PHACTR1: variants seen among roughly 807,000 people sequenced by gnomAD.
PHACTR1 encodes RPEL repeat containing 1.
A neutral mutation model predicts 69.2 loss-of-function variants in PHACTR1; 16 were observed. That is an observed-to-expected ratio of 0.23 (90% confidence interval 0.16 to 0.35). PHACTR1 has a LOEUF of 0.35. Ranked by LOEUF, PHACTR1 falls within the 10% of genes least tolerant of loss-of-function variation. The probability of loss-of-function intolerance (pLI) is 1.00; values close to 1 mark genes in which losing one functional copy is unlikely to be tolerated. For synonymous variants in PHACTR1, 312 were observed against 284.5 expected, an observed-to-expected ratio of 1.10 and a Z score of -0.97; for missense variants, 510 against 734.7, an observed-to-expected ratio of 0.69 and a Z score of 3.54.
intron 4 of PHACTR1, among the ~76,000 whole-genome samples, chr6:13,041,335 TACATAC>T (rs1804100386): frequency 2.6e-5 from 1 of 38,662 alleles, no homozygotes; most frequent in African/African-American, 8.8e-5. Context: ...GTAATTAAAA[TACATAC>T]ACACACACAC....
intron 4 of PHACTR1, among the ~76,000 whole-genome samples, chr6:12,973,307 G>A (rs1355229625): frequency 2.0e-5 from 3 of 151,976 alleles, no homozygotes; most frequent in Non-Finnish European, 2.9e-5. Flanking sequence ...TTATTTATTT[G>A]CCTCCAATTT....
intron 4 of PHACTR1, among the ~76,000 whole-genome samples, chr6:12,853,706 C>A (rs1419340926): frequency 2.6e-5 from 4 of 152,182 alleles, no homozygotes; most frequent in African/African-American, 9.7e-5. Context: ...AAGGGGGAAG[C>A]CCCTTATAAA....
In PHACTR1 at chr6:13,053,326, TTC is replaced by T; in HGVS notation, c.251-33_251-32del. On this transcript the variant is annotated intron_variant, in intron 4 of 14. Transcript: ENST00000332995. Reference sequence around the variant, plus strand: ...TGAGGCTCCCATTTTAACACTTTTTTTCTCTCTTTGTTTTCATCTCTTTCTTG... The same window carrying T: ...TGAGGCTCCCATTTTAACACTTTTTTTCTCTTTGTTTTCATCTCTTTCTTG... The T allele has an allele frequency of 3.2e-6, 5 of 1,549,706 alleles. 1 individual carries two copies. In the South Asian group the frequency reaches 6.0e-5, roughly 19 times the overall value.
intron 4 of PHACTR1, among the ~76,000 whole-genome samples, chr6:13,013,181 G>A (rs1799637689): frequency 6.6e-6 from 1 of 152,218 alleles, no homozygotes; most frequent in African/African-American, 2.4e-5. Flanking sequence ...CAAATTAGCT[G>A]ACAATCCCAA....
At chr6:12,772,372 A>G (rs978939058) in intron 4 of PHACTR1, among the ~76,000 whole-genome samples, 2 of 152,228 alleles carry the variant, frequency 1.3e-5, no homozygotes, top group Non-Finnish European at 2.9e-5. Flanking sequence ...ATATGTTTAT[A>G]CATATGTTAC....
chr6:12,827,846 C>G lies in PHACTR1; in HGVS notation c.250+78056C>G, dbSNP rs567008895. On this transcript the variant is annotated intron_variant, in intron 4 of 14. Coordinates refer to ENST00000332995, the MANE Select transcript of PHACTR1 (RefSeq NM_030948.6). Reference sequence around the variant, plus strand: ...ACATTACATGATAATATGAAAATAACAAGAAGAGCTTTCTTTTCTGTCTTA... The same window carrying G: ...ACATTACATGATAATATGAAAATAAGAAGAAGAGCTTTCTTTTCTGTCTTA... Among the ~76,000 whole-genome samples the G allele has an allele frequency of 2.0e-5, 3 of 152,036 alleles. No individual in the cohort carries two copies. The South Asian group carries it at 6.2e-4, about 32-fold the overall frequency.
In PHACTR1 at chr6:13,218,363, C is replaced by G. The variant is rs144841349; in HGVS notation, c.987-9453C>G. On this transcript the variant is annotated intron_variant, in intron 8 of 14. Coordinates refer to ENST00000332995, the MANE Select transcript of PHACTR1 (RefSeq NM_030948.6). ...GGAGATAAAGTGATGATTACAAAGC[C>G]CCCTTGAAAAGGGAGTGCCTCTTAT... Among the ~76,000 whole-genome samples, 498 of 152,242 alleles carry G rather than the reference C, an allele frequency of 3.3e-3. 5 individuals are homozygous for G. Among genetic ancestry groups the G allele is most frequent in the African/African-American group, 0.011 (470 of 41,536 alleles).
intron 4 of PHACTR1, among the ~76,000 whole-genome samples, chr6:12,943,659 TAAA>T (rs1790285746): frequency 6.6e-6 from 1 of 152,232 alleles, no homozygotes; most frequent in African/African-American, 2.4e-5. Flanking sequence ...ATGATGAAAT[TAAA>T]ATGCACGTGT....
At chr6:12,947,725 C>T (rs575828183) in intron 4 of PHACTR1, among the ~76,000 whole-genome samples, 1 of 152,202 alleles carries the variant, frequency 6.6e-6, no homozygotes, top group East Asian at 1.9e-4. Flanking sequence ...CTCACAATCA[C>T]CCTAAGGAAA....
intron 7 of PHACTR1, among the ~76,000 whole-genome samples, chr6:13,193,194 T>A (rs199878868): frequency 1.3e-5 from 2 of 151,256 alleles, no homozygotes; most frequent in Non-Finnish European, 1.5e-5. Flanking sequence ...ATGCAAAAAA[T>A]ACGAGTGTGA....
chr6:12,906,812 T>G (rs1380752386), intron 4 of PHACTR1, among the ~76,000 whole-genome samples: 2 of 152,220 alleles, frequency 1.3e-5, no homozygotes, highest in Non-Finnish European at 2.9e-5. Flanking sequence ...TTGGCTCTGG[T>G]TGGGTCACGT....
Position 13,259,711 on chromosome 6 carries a change from C to T in PHACTR1, c.1392-13149C>T, listed in dbSNP as rs573006081. Among the ~76,000 whole-genome samples, 5 of 152,302 alleles carry T rather than the reference C, an allele frequency of 3.3e-5. 1 individual carries two copies. The South Asian group carries it at 6.2e-4, about 19-fold the overall frequency. Reference sequence around the variant, plus strand: ...TGGAGGGGTAAGGAGATGTCATGTGCTCAAGGGACCTTCTGATGAGTGGTG... The same window carrying T: ...TGGAGGGGTAAGGAGATGTCATGTGTTCAAGGGACCTTCTGATGAGTGGTG... On this transcript the variant is annotated intron_variant, in intron 10 of 14. Transcript: ENST00000332995.
At chr6:12,974,371 G>A (rs556389710) in intron 4 of PHACTR1, among the ~76,000 whole-genome samples, 1 of 152,176 alleles carries the variant, frequency 6.6e-6, no homozygotes, top group South Asian at 2.1e-4. Flanking sequence ...CTTACACTCA[G>A]CATATCACCA....
At chr6:12,801,532 T>C (rs1325274243) in intron 4 of PHACTR1, among the ~76,000 whole-genome samples, 1 of 152,216 alleles carries the variant, frequency 6.6e-6, no homozygotes, top group South Asian at 2.1e-4. Context: ...TTCTCACTGC[T>C]TGGCTGATAG....
At chr6:13,232,028 A>T (rs780412859) in intron 10 of PHACTR1, among the ~76,000 whole-genome samples, 5 of 152,218 alleles carry the variant, frequency 3.3e-5, no homozygotes, top group African/African-American at 4.8e-5. Context: ...CTTAATTCTG[A>T]TTCTCCCTCT....
intron 3 of PHACTR1, among the ~76,000 whole-genome samples, chr6:12,742,041 T>C (rs1024289674): frequency 2.6e-5 from 4 of 152,234 alleles, no homozygotes; most frequent in Non-Finnish European, 5.9e-5. Context: ...CTTTAAATTT[T>C]TCATTTTCTA....
intron 4 of PHACTR1, among the ~76,000 whole-genome samples, chr6:13,019,710 C>T (rs1800692108): frequency 6.6e-6 from 1 of 152,080 alleles, no homozygotes; most frequent in Non-Finnish European, 1.5e-5. Context: ...TTGAAATATC[C>T]TCATTTGTCT....
chr6:12,768,239 G>A (rs1267851653), intron 4 of PHACTR1, among the ~76,000 whole-genome samples: 1 of 149,686 alleles, frequency 6.7e-6, no homozygotes, highest in Non-Finnish European at 1.5e-5. Context: ...CTCAGCCTCC[G>A]GAGAAGCTGG....
chr6:13,276,863 G>A (rs1369602692), intron 11 of PHACTR1, among the ~76,000 whole-genome samples: 7 of 152,182 alleles, frequency 4.6e-5, no homozygotes, highest in Non-Finnish European at 1.5e-5. Flanking sequence ...TTGCATGTGT[G>A]CACCAATACA....
Sources: allele counts gnomAD v4.1 joint callset (sites outside exome capture counted in the v4.1 genomes callset), GRCh38; gene constraint gnomAD v4.1.1; transcripts MANE v1.5; gene names NCBI Gene and HGNC (gene_info 2026-07-23, HGNC 2026-07-21).